NHSL3: variants seen among roughly 807,000 people sequenced by gnomAD.
NHSL3 encodes NHS like 3, also known as NHS-like protein 3.
chr1:32,756,136 A>G, the NHSL3 span, among the ~76,000 whole-genome samples: 3 of 152,210 alleles, frequency 2.0e-5, no homozygotes, highest in African/African-American at 7.2e-5. Context: ...TTAGAAAGCA[A>G]TGTCAAGACA....
chr1:32,760,556 G>C, the NHSL3 span, among the ~76,000 whole-genome samples: 2 of 151,724 alleles, frequency 1.3e-5, no homozygotes, highest in African/African-American at 4.8e-5. Flanking sequence ...GGACTAGGGT[G>C]GCTTAGGTGT....
the NHSL3 span, among the ~76,000 whole-genome samples, chr1:32,766,289 CTCCT>C: frequency 6.6e-6 from 1 of 152,094 alleles, no homozygotes; most frequent in Non-Finnish European, 1.5e-5. Flanking sequence ...GGGCCTGTTC[CTCCT>C]TCCTTCTCCT....
the NHSL3 span, among the ~76,000 whole-genome samples, chr1:32,764,456 C>T: frequency 6.6e-6 from 1 of 151,958 alleles, no homozygotes; most frequent in Admixed American, 6.6e-5. Flanking sequence ...ATGGATACAA[C>T]CATCTTGTTT....
At chr1:32,765,593 G>C in the NHSL3 span, 1 of 1,493,074 alleles carries the variant, frequency 6.7e-7, no homozygotes, top group African/African-American at 1.4e-5. Flanking sequence ...CAGTGGCGAA[G>C]GTGGGAGGAG....
At chr1:32,774,269 T>G in the NHSL3 span, 1 of 152,198 alleles carries the variant, frequency 6.6e-6, no homozygotes, top group Non-Finnish European at 1.5e-5. Flanking sequence ...AGGAGAGAGG[T>G]TGACATGACC....
the NHSL3 span, chr1:32,770,417 G>C: frequency 6.2e-7 from 1 of 1,607,890 alleles, no homozygotes; most frequent in Admixed American, 1.7e-5. This position sits in a 1 kb window ranked among gnomAD's most constrained non-coding sequence, Gnocchi z 8.3. Flanking sequence ...TCCTCCTCCA[G>C]TGACACCTGG....
the NHSL3 span, among the ~76,000 whole-genome samples, chr1:32,753,490 T>TAA: frequency 1.3e-5 from 2 of 150,352 alleles, no homozygotes; most frequent in African/African-American, 4.9e-5. Context: ...CTCAAAAAAA[T>TAA]AAAAAAAATA....
chr1:32,767,984 C>A, the NHSL3 span: 1 of 1,611,762 alleles, frequency 6.2e-7, no homozygotes, highest in African/African-American at 1.3e-5. Flanking sequence ...CTCCCCTCCC[C>A]TCTCCTCCCT....
At chr1:32,769,665 G>A in the NHSL3 span, 2 of 1,606,724 alleles carry the variant, frequency 1.2e-6, no homozygotes, top group East Asian at 4.5e-5. Flanking sequence ...CCCACGACTG[G>A]CCCCCAGGCT....
At chr1:32,767,591 G>A in the NHSL3 span, among the ~76,000 whole-genome samples, 1 of 152,048 alleles carries the variant, frequency 6.6e-6, no homozygotes, top group African/African-American at 2.4e-5. Context: ...TGTAGTTTGT[G>A]TATATGGGGG....
the NHSL3 span, chr1:32,770,110 G>A: frequency 2.6e-6 from 4 of 1,557,614 alleles, no homozygotes; most frequent in Non-Finnish European, 3.5e-6. The surrounding 1 kb of genome is among the most constrained non-coding windows in gnomAD (Gnocchi z 8.3). Flanking sequence ...CCGGTCCACG[G>A]GTACCCGGGC....
At chr1:32,747,329 C>T in the NHSL3 span, among the ~76,000 whole-genome samples, 6 of 151,960 alleles carry the variant, frequency 3.9e-5, no homozygotes, top group Non-Finnish European at 7.4e-5. Context: ...TGAGTGCCAC[C>T]GTGCCTGGCT....
At chr1:32,745,379 G>A in the NHSL3 span, among the ~76,000 whole-genome samples, 1 of 151,732 alleles carries the variant, frequency 6.6e-6, no homozygotes, top group Non-Finnish European at 1.5e-5. Context: ...CCAACATGGT[G>A]AAACCCTGTC....
the NHSL3 span, among the ~76,000 whole-genome samples, chr1:32,745,590 G>C: frequency 2.0e-5 from 3 of 149,038 alleles, no homozygotes. Context: ...GGACAACTCT[G>C]CTTCCCTGGT....
chr1:32,762,926 C>CAGCCTCCCAA, the NHSL3 span, among the ~76,000 whole-genome samples: 1 of 151,788 alleles, frequency 6.6e-6, no homozygotes, highest in Non-Finnish European at 1.5e-5. Flanking sequence ...CTGCCCACCT[C>CAGCCTCCCAA]AGCCTCCCAA....
At chr1:32,767,664 A>G in the NHSL3 span, 2 of 777,522 alleles carry the variant, frequency 2.6e-6, no homozygotes, top group Non-Finnish European at 2.1e-6. Context: ...GGAAGGGGGC[A>G]TTGCTTGTAT....
the NHSL3 span, among the ~76,000 whole-genome samples, chr1:32,768,357 G>A: frequency 6.6e-6 from 1 of 152,150 alleles, no homozygotes; most frequent in Non-Finnish European, 1.5e-5. Flanking sequence ...ACTTTGGGAC[G>A]CTGAGGTGGG....
At chr1:32,747,898 C>T in the NHSL3 span, among the ~76,000 whole-genome samples, 7 of 152,184 alleles carry the variant, frequency 4.6e-5, no homozygotes, top group Non-Finnish European at 1.5e-5. Context: ...CACCTGAGGT[C>T]AGGAGTTTGA....
At chr1:32,749,046 C>T in the NHSL3 span, among the ~76,000 whole-genome samples, 21 of 152,108 alleles carry the variant, frequency 1.4e-4, no homozygotes, top group African/African-American at 5.1e-4. Context: ...ATGAACCTCA[C>T]GATGAGTGTG....
Sources: gnomAD v4.1 joint callset for allele counts (sites outside exome capture counted in the v4.1 genomes callset) on GRCh38, gnomAD v4.1.1 for gene constraint, Gnocchi (gnomAD v3.1) non-coding constraint, MANE v1.5 for transcripts, NCBI Gene and HGNC (gene_info 2026-07-23, HGNC 2026-07-21) for gene names.